The following FOXP1 variants were observed in gnomAD, a reference collection of about 807,000 sequenced individuals.
The protein encoded by FOXP1 is forkhead box protein P1.
In FOXP1, 15 loss-of-function variants were observed where a neutral mutation model predicts 98.2. The ratio of observed to expected loss-of-function variants is 0.15; its 90% confidence interval spans 0.10 to 0.24. The LOEUF (loss-of-function observed/expected upper bound fraction) is 0.24. Among genes scored for constraint, FOXP1 ranks in the 10% least tolerant of loss-of-function variants. The probability of loss-of-function intolerance (pLI) is 1.00; values close to 1 mark genes in which losing one functional copy is unlikely to be tolerated. For synonymous variants in FOXP1, 371 were observed against 314.5 expected, an observed-to-expected ratio of 1.18 and a Z score of -1.90; for missense variants, 633 against 848.5, an observed-to-expected ratio of 0.75 and a Z score of 3.15.
At chr3:71,063,329 T>C (rs1416930352) in intron 7 of FOXP1, among the ~76,000 whole-genome samples, 1 of 152,286 alleles carries the variant, frequency 6.6e-6, no homozygotes, top group Non-Finnish European at 1.5e-5. Flanking sequence ...TCAATCTTAA[T>C]AACCAAGGAA....
At chr3:71,431,836 G>A (rs745953179) in intron 3 of FOXP1, among the ~76,000 whole-genome samples, 1 of 152,062 alleles carries the variant, frequency 6.6e-6, no homozygotes, top group South Asian at 2.1e-4. Flanking sequence ...TTCTTTCCAG[G>A]TATTTATTCT....
At chr3:71,223,703 A>AG (rs2065598875) in intron 5 of FOXP1, among the ~76,000 whole-genome samples, 1 of 152,026 alleles carries the variant, frequency 6.6e-6, no homozygotes, top group Non-Finnish European at 1.5e-5. Context: ...CAAAAAAAAA[A>AG]AAAAAAAAAG....
chr3:71,434,119 T>A (rs947806963), intron 3 of FOXP1, among the ~76,000 whole-genome samples: 1 of 152,096 alleles, frequency 6.6e-6, no homozygotes, highest in Non-Finnish European at 1.5e-5. Context: ...TGGGAAGAGA[T>A]CAAGATTCAA....
rs1223247410 is a variant in FOXP1, at chr3:70,967,317, G to A, written c.1723-1261C>T. On this transcript the variant is annotated intron_variant, in intron 19 of 20. Coordinates refer to ENST00000649528, the MANE Select transcript of FOXP1 (RefSeq NM_001349338.3). ...CCTCACTCACTGTACAAACCGCAAA[G>A]CCAGGGCTTTCTAGGTACAAGCCCT... is the stretch of plus-strand genomic sequence containing the variant. Among the ~76,000 whole-genome samples, 133 of 152,294 alleles carry A rather than the reference G, an allele frequency of 8.7e-4. 2 individuals are homozygous for A. Among genetic ancestry groups the A allele is most frequent in the Non-Finnish European group, 7.4e-5 (5 of 68,014 alleles).
At chr3:71,228,721 C>A (rs1026339426) in intron 5 of FOXP1, among the ~76,000 whole-genome samples, 3 of 152,160 alleles carry the variant, frequency 2.0e-5, no homozygotes, top group Admixed American at 6.5e-5. Flanking sequence ...GTGAAGATTA[C>A]ACTCTATGAC....
chr3:71,167,731 G>A (rs2061457872), intron 6 of FOXP1, among the ~76,000 whole-genome samples: 2 of 152,078 alleles, frequency 1.3e-5, no homozygotes, highest in Admixed American at 1.3e-4. Context: ...CCCATCTTTT[G>A]GATTCTACCT....
intron 7 of FOXP1, among the ~76,000 whole-genome samples, chr3:71,076,603 C>A (rs1458322934): frequency 2.6e-5 from 4 of 152,176 alleles, no homozygotes; most frequent in Non-Finnish European, 5.9e-5. Flanking sequence ...TTTGGTGTGG[C>A]TGGGGTGATT....
At chr3:71,016,335 C>T (rs2044480870) in intron 11 of FOXP1, among the ~76,000 whole-genome samples, 2 of 152,266 alleles carry the variant, frequency 1.3e-5, no homozygotes, top group South Asian at 4.1e-4. Context: ...ACGTAATGAT[C>T]TGGCCACACG....
intron 3 of FOXP1, among the ~76,000 whole-genome samples, chr3:71,479,936 G>T (rs1208328664): frequency 6.6e-6 from 1 of 152,116 alleles, no homozygotes; most frequent in African/African-American, 2.4e-5. Flanking sequence ...GGTGGCTCAC[G>T]CCTGTAATCC....
intron 18 of FOXP1, chr3:70,971,990 AAAGC>A: frequency 7.4e-7 from 1 of 1,358,906 alleles, no homozygotes; most frequent in Non-Finnish European, 9.5e-7. Context: ...AAAAAAAACA[AAAGC>A]AAGTAAAGGC....
At chr3:71,391,746 G>A (rs1560416423) in intron 3 of FOXP1, among the ~76,000 whole-genome samples, 1 of 152,224 alleles carries the variant, frequency 6.6e-6, no homozygotes, top group Non-Finnish European at 1.5e-5. Context: ...TTGTTTTGGA[G>A]AATTCTCTAG....
chr3:71,444,920 A>G (rs1011516929), intron 3 of FOXP1, among the ~76,000 whole-genome samples: 3 of 152,312 alleles, frequency 2.0e-5, no homozygotes, highest in African/African-American at 7.2e-5. Flanking sequence ...AGGGTTCAAG[A>G]AGGAAATAAG....
intron 5 of FOXP1, among the ~76,000 whole-genome samples, chr3:71,297,136 A>C (rs2073378221): frequency 6.6e-6 from 1 of 152,258 alleles, no homozygotes; most frequent in African/African-American, 2.4e-5. Flanking sequence ...AAAGTAGAGA[A>C]CAACTATAGA....
At chr3:71,250,729 G>A (rs796099216) in intron 5 of FOXP1, among the ~76,000 whole-genome samples, 26 of 152,242 alleles carry the variant, frequency 1.7e-4, no homozygotes, top group African/African-American at 5.8e-4. Flanking sequence ...TCAGGAGTTC[G>A]AGACCAGCCT....
chr3:71,549,684 T>C (rs1246465415), intron 2 of FOXP1, among the ~76,000 whole-genome samples: 1 of 152,134 alleles, frequency 6.6e-6, no homozygotes, highest in Non-Finnish European at 1.5e-5. Flanking sequence ...CCAAAACATA[T>C]ATATTTTAAT....
rs1287780155 is a variant in FOXP1, at chr3:70,956,687, A to T, written c.*2560T>A. The T allele has an allele frequency of 6.7e-6, 1 of 148,526 alleles. No individual in the cohort carries two copies. The highest frequency in any genetic ancestry group is 8.8e-5 in the Admixed American group (1 of 11,402). The allele number at this position is 148,526 out of a possible 1,614,324, so 9.2% of individuals were successfully genotyped here. A position where few individuals can be genotyped will look rare whatever the true frequency, so the allele number is the denominator to read the frequency against. ...AGAAGCACAGGGCCCCCTTCCCATG[A>T]CCCTGTCTGGCTACTGCCTGCACAT... On this transcript the variant is annotated 3_prime_UTR_variant, in exon 21 of 21. Transcript: ENST00000649528.
chr3:71,421,818 C>G (rs1047016591), intron 3 of FOXP1, among the ~76,000 whole-genome samples: 1 of 152,202 alleles, frequency 6.6e-6, no homozygotes, highest in African/African-American at 2.4e-5. Flanking sequence ...TACCATAATT[C>G]TCTTAAACAA....
chr3:71,162,796 G>T (rs1390941090), intron 6 of FOXP1, among the ~76,000 whole-genome samples: 1 of 152,164 alleles, frequency 6.6e-6, no homozygotes, highest in Non-Finnish European at 1.5e-5. Flanking sequence ...AGATTAATGA[G>T]GTAGGAGACC....
chr3:71,081,106 C>G (rs2054365812), intron 7 of FOXP1, among the ~76,000 whole-genome samples: 1 of 152,204 alleles, frequency 6.6e-6, no homozygotes, highest in African/African-American at 2.4e-5. Context: ...GCTAAGTGTT[C>G]TGCATTTGTG....
Sources: allele counts gnomAD v4.1 joint callset (sites outside exome capture counted in the v4.1 genomes callset), GRCh38; gene constraint gnomAD v4.1.1; transcripts MANE v1.5; gene names NCBI Gene and HGNC (gene_info 2026-07-23, HGNC 2026-07-21).